Variants in SI observed in about 807,000 individuals in gnomAD.
The protein encoded by SI is sucrase-isomaltase, intestinal.
Under a neutral mutation model 253.3 loss-of-function variants are expected in SI, and 235 were observed. That is an observed-to-expected ratio of 0.93 (90% confidence interval 0.83 to 1.03). SI has a LOEUF of 1.03. SI is among the 50% of genes least tolerant of loss of function. SI has a pLI of 0.00. For synonymous variants in SI, 819 were observed against 712.0 expected, an observed-to-expected ratio of 1.15 and a Z score of -2.39; for missense variants, 2,442 against 2,211.1, an observed-to-expected ratio of 1.10 and a Z score of -2.09.
chr3:165,012,606 A>C (rs1176861871), intron 34 of SI, among the ~76,000 whole-genome samples: 1 of 151,048 alleles, frequency 6.6e-6, no homozygotes, highest in South Asian at 2.1e-4. Flanking sequence ...TTTTTTTTGT[A>C]TTTTTAGTAG....
At chr3:165,024,939 CAT>C (rs1711826369) in intron 25 of SI, among the ~76,000 whole-genome samples, 1 of 151,252 alleles carries the variant, frequency 6.6e-6, no homozygotes, top group Non-Finnish European at 1.5e-5. Flanking sequence ...GCCAAATCCA[CAT>C]GTCAGTTTCC....
intron 16 of SI, among the ~76,000 whole-genome samples, chr3:165,044,418 T>A (rs889422591): frequency 2.0e-5 from 3 of 151,960 alleles, no homozygotes; most frequent in African/African-American, 4.8e-5. Context: ...CTTCATTTTC[T>A]TGCCAATTCT....
At chr3:165,047,119 T>C (rs1713162491) in intron 15 of SI, 107 bp from the exon 16 acceptor site, 1 of 826,534 alleles carries the variant, frequency 1.2e-6, no homozygotes, top group African/African-American at 1.7e-5. Context: ...AGTTTGGCTG[T>C]GTCCCCACCC....
chr3:165,065,184 C>A (rs1714173247), intron 7 of SI, 77 bp downstream of exon 7: 5 of 923,482 alleles, frequency 5.4e-6, no homozygotes, highest in Non-Finnish European at 8.7e-6. Flanking sequence ...AAAATAAATG[C>A]TGTTTTCAAA....
At chr3:164,990,144 G>T (rs971018595) in intron 44 of SI, among the ~76,000 whole-genome samples, 3 of 152,132 alleles carry the variant, frequency 2.0e-5, no homozygotes, top group East Asian at 1.9e-4. Context: ...TGTTGAAAAT[G>T]AGAGAGGCTA....
rs768521512 is a variant in SI at position 165,021,243 on chromosome 3, G to A, written c.3240C>T (p.Ser1080=). ...CAATTACTTACATGACTCTTCCACT[G>A]CTTCTCCGTCGAATCTGGATGCCAA... is the stretch of plus-strand genomic sequence containing the variant. ...NPFGIQIRRR[S]SGRVIWDSWL... The change falls in exon 27 of 48, where the codon AGC becomes AGT. Residue 1080 remains serine (S), a synonymous_variant. Coordinates refer to ENST00000264382, the MANE Select transcript of SI (RefSeq NM_001041.4). 5.6e-6 allele frequency: 9 copies of A among 1,610,504 alleles called. No homozygotes were observed. Among genetic ancestry groups the A allele is most frequent in the Admixed American group, 1.7e-5 (1 of 59,694 alleles).
chr3:164,982,640 C>A (rs1717246937), intron 46 of SI, among the ~76,000 whole-genome samples: 1 of 151,960 alleles, frequency 6.6e-6, no homozygotes, highest in Non-Finnish European at 1.5e-5. Flanking sequence ...CACCCAGGCT[C>A]AGAAAGTTTG....
intron 3 of SI, among the ~76,000 whole-genome samples, chr3:165,073,188 C>A (rs1206144680): frequency 4.7e-5 from 1 of 21,224 alleles, no homozygotes; most frequent in Middle Eastern, 0.056. Context: ...CTCTCTCTCT[C>A]TCTCTCTCTC....
chr3:165,011,639 T>G (rs982566807), intron 34 of SI, among the ~76,000 whole-genome samples: 1 of 151,798 alleles, frequency 6.6e-6, no homozygotes, highest in Admixed American at 6.6e-5. Context: ...ACGGTGTTGT[T>G]AAAAACTGCT....
At chr3:165,009,237 C>T (rs1452946311) in intron 35 of SI, 42 bp downstream of exon 35, 5 of 1,333,876 alleles carry the variant, frequency 3.7e-6, no homozygotes, top group Non-Finnish European at 4.3e-6. Context: ...AATCACTGCA[C>T]AATAAATAAC....
upstream of SI, among the ~76,000 whole-genome samples, chr3:165,082,315 G>A (rs1576935230): frequency 6.6e-6 from 1 of 151,836 alleles, no homozygotes; most frequent in Non-Finnish European, 1.5e-5. Context: ...TTTATTTGCT[G>A]CTACTGGTAT....
intron 18 of SI, among the ~76,000 whole-genome samples, chr3:165,040,520 C>A (rs1560002889): frequency 6.6e-6 from 1 of 152,034 alleles, no homozygotes; most frequent in East Asian, 1.9e-4. Context: ...TTAAAAGGAT[C>A]TTTAAGTCAT....
chr3:164,998,771 G>T, intron 37 of SI, 98 bp from the exon 38 acceptor site: 1 of 1,012,554 alleles, frequency 9.9e-7, no homozygotes, highest in East Asian at 2.5e-5. Flanking sequence ...AGTGATTTGT[G>T]GTGCTTATAT....
intron 34 of SI, among the ~76,000 whole-genome samples, chr3:165,012,343 C>T (rs7653429): frequency 0.17 from 25,833 of 151,970 alleles, 2,861 homozygotes; most frequent in African/African-American, 0.31. Flanking sequence ...CTATAGTTTA[C>T]GATGATTTAT....
At chr3:165,039,338 TA>T (rs1419677570) in intron 19 of SI, among the ~76,000 whole-genome samples, 1 of 151,996 alleles carries the variant, frequency 6.6e-6, no homozygotes, top group Non-Finnish European at 1.5e-5. Flanking sequence ...AAGAGGTAAA[TA>T]AAAAAGTAAT....
Position 165,067,511 on chromosome 3 carries a change from G to A in SI, c.484-20C>T, listed in dbSNP as rs768160662. 21 of 1,586,938 alleles carry A rather than the reference G, an allele frequency of 1.3e-5. No individual in the cohort carries two copies. In the Middle Eastern group the frequency reaches 6.8e-4, roughly 51 times the overall value. ...AGTAATCTGGAAAGATTTAAGCAAG[G>A]TAGCATTACTGGATTCTAAACTATT... On this transcript the variant is annotated intron_variant, in intron 5 of 47. Coordinates refer to ENST00000264382, the MANE Select transcript of SI (RefSeq NM_001041.4).
intron 37 of SI, among the ~76,000 whole-genome samples, chr3:165,001,342 A>G (rs1270788993): frequency 6.6e-6 from 1 of 151,416 alleles, no homozygotes; most frequent in African/African-American, 2.4e-5. Context: ...AAGATATTTT[A>G]TTGAATTATT....
In SI at chr3:165,060,163, G is replaced by A. The variant is rs1428220131; in HGVS notation, c.1021-136C>T. On this transcript the variant is annotated intron_variant, in intron 9 of 47. Transcript: ENST00000264382. ...TTTATATAATTTAAACAAACCTTTA[G>A]TGTTACCTGGATTCTAAACAATTTC... 6.8e-6 allele frequency: 5 copies of A among 740,010 alleles called. No individual in the cohort carries two copies. In the African/African-American group the frequency reaches 8.9e-5, roughly 13 times the overall value. 45.8% of individuals were successfully genotyped at this position (740,010 alleles called of 1,614,324 possible). A position where few individuals can be genotyped will look rare whatever the true frequency, so the allele number is the denominator to read the frequency against.
intron 22 of SI, among the ~76,000 whole-genome samples, chr3:165,035,768 A>G (rs943016361): frequency 6.6e-6 from 1 of 151,566 alleles, no homozygotes; most frequent in African/African-American, 2.4e-5. Context: ...AAAGTTTCTA[A>G]AAATGTATAA....
Sources: gnomAD v4.1 joint callset for allele counts (sites outside exome capture counted in the v4.1 genomes callset) on GRCh38, gnomAD v4.1.1 for gene constraint, MANE v1.5 for transcripts, NCBI Gene and HGNC (gene_info 2026-07-23, HGNC 2026-07-21) for gene names.